ARNT2: variants seen among roughly 807,000 people sequenced by gnomAD.
ARNT2 encodes ARNT protein 2.
ARNT2 carries 36 observed loss-of-function variants against 91.7 expected under a neutral mutation model. The ratio of observed to expected loss-of-function variants is 0.39; its 90% CI spans 0.30 to 0.52. ARNT2 has a LOEUF of 0.52. Ranked by LOEUF, ARNT2 falls within the 20% of genes least tolerant of loss-of-function variation. The probability of loss-of-function intolerance (pLI) is 0.72; values close to 1 mark genes in which losing one functional copy is unlikely to be tolerated. For synonymous variants in ARNT2, 365 were observed against 347.1 expected (o/e 1.05, Z -0.57); for missense variants, 775 against 939.3 (o/e 0.83, Z 2.29).
intron 8 of ARNT2, among the ~76,000 whole-genome samples, chr15:80,538,349 G>A (rs1207865537): frequency 6.6e-6 from 1 of 152,020 alleles, no homozygotes; most frequent in Non-Finnish European, 1.5e-5. Flanking sequence ...TTTTAATAAT[G>A]GATTTTCAAA....
intron 8 of ARNT2, among the ~76,000 whole-genome samples, chr15:80,549,506 G>A (rs1272906722): frequency 1.3e-5 from 2 of 152,080 alleles, no homozygotes; most frequent in African/African-American, 2.4e-5. Context: ...AAAATGGACA[G>A]GCAAAAGATC....
Position 80,574,183 on chromosome 15 carries a change from A to T in ARNT2, c.1352A>T (p.His451Leu). 1 of 1,614,186 alleles carries T rather than the reference A, an allele frequency of 6.2e-7. No homozygotes were observed. The highest frequency in any genetic ancestry group is 8.5e-7 in the Non-Finnish European group (1 of 1,180,036). The change falls in exon 13 of 19, where the codon CAC (histidine) becomes CTC (leucine). Residue 451 changes from histidine (H) to leucine (L), a missense_variant. Coordinates refer to ENST00000303329, the MANE Select transcript of ARNT2 (RefSeq NM_014862.4). ...LQQQQAELEV[H>L]QRDGLSSYDL... ...CAACAGCAGGCAGAATTGGAAGTGC[A>T]CCAGAGAGATGGATTGTCATCGTAT...
chr15:80,565,840 T>C (rs761981152), intron 12 of ARNT2, among the ~76,000 whole-genome samples: 3 of 150,916 alleles, frequency 2.0e-5, no homozygotes, highest in Non-Finnish European at 4.4e-5. Flanking sequence ...GTCTGTTTAC[T>C]CTATTGATAG....
intron 8 of ARNT2, among the ~76,000 whole-genome samples, chr15:80,524,489 C>A (rs2141436129): frequency 6.6e-6 from 1 of 152,166 alleles, no homozygotes; most frequent in Non-Finnish European, 1.5e-5. Flanking sequence ...ATCTACATTT[C>A]AATGGTAAAG....
At chr15:80,581,188 C>G in intron 16 of ARNT2, 51 bp from the exon 17 acceptor site, 4 of 1,603,610 alleles carry the variant, frequency 2.5e-6, no homozygotes, top group Non-Finnish European at 3.4e-6. Flanking sequence ...GGTTGGGGTG[C>G]AGGGGTCTGC....
At chr15:80,547,317 A>G (rs1898005397) in intron 8 of ARNT2, among the ~76,000 whole-genome samples, 2 of 152,288 alleles carry the variant, frequency 1.3e-5, no homozygotes, top group East Asian at 1.9e-4. Flanking sequence ...ATTCTTTATC[A>G]CTACACACTT....
rs150560314 is a variant in ARNT2, at chr15:80,511,557, G to A, written c.726-2354G>A. On this transcript the variant is annotated intron_variant, in intron 6 of 18. Coordinates refer to ENST00000303329, the MANE Select transcript of ARNT2 (RefSeq NM_014862.4). ...AGATGCCCACAGACACCTAGACGGA[G>A]AAGATGAGCAGACAGTTGGACATGT... Among the ~76,000 whole-genome samples, 783 of 152,228 alleles carry A rather than the reference G, an allele frequency of 5.1e-3. 2 individuals are homozygous for A. Among genetic ancestry groups the A allele is most frequent in the Non-Finnish European group, 8.4e-3 (574 of 68,014 alleles).
At chr15:80,474,988 A>C in intron 4 of ARNT2, 22 bp from the exon 5 acceptor site, 1 of 1,612,506 alleles carries the variant, frequency 6.2e-7, no homozygotes, top group Non-Finnish European at 8.5e-7. Context: ...GTATTGTGCC[A>C]ATCATAATCT....
intron 8 of ARNT2, among the ~76,000 whole-genome samples, chr15:80,519,088 C>T (rs781062567): frequency 4.7e-4 from 71 of 152,158 alleles, no homozygotes; most frequent in Non-Finnish European, 8.1e-4. Flanking sequence ...TCATTCAACA[C>T]GTATTTGTTG....
intron 8 of ARNT2, among the ~76,000 whole-genome samples, chr15:80,540,600 A>G (rs761365768): frequency 6.6e-6 from 1 of 152,162 alleles, no homozygotes; most frequent in Non-Finnish European, 1.5e-5. Flanking sequence ...CCCATCACTT[A>G]CATAGTGAGT....
At chr15:80,458,035 A>C in intron 3 of ARNT2, 59 bp downstream of exon 3, 3 of 1,544,094 alleles carry the variant, frequency 1.9e-6, no homozygotes, top group South Asian at 1.1e-5. Flanking sequence ...TTCACCTTAG[A>C]AAGATACAAG....
chr15:80,508,142 T>TCC lies in ARNT2; in HGVS notation c.623-13_623-12insCC. 1.9e-6 allele frequency: 3 copies of TCC among 1,597,048 alleles called. No individual in the cohort carries two copies. Among genetic ancestry groups the TCC allele is most frequent in the Non-Finnish European group, 2.6e-6 (3 of 1,168,054 alleles). ...AGGCAGAGGCTTACGTAACTGTCCT[T>TCC]CTCTCTCTCTTAGGCCGGATCTTGG... On this transcript the variant is annotated splice_polypyrimidine_tract_variant and intron_variant, in intron 5 of 18. Coordinates refer to ENST00000303329, the MANE Select transcript of ARNT2 (RefSeq NM_014862.4).
At chr15:80,538,605 A>G (rs1473853942) in intron 8 of ARNT2, among the ~76,000 whole-genome samples, 1 of 152,180 alleles carries the variant, frequency 6.6e-6, no homozygotes, top group Non-Finnish European at 1.5e-5. Flanking sequence ...TTTAGAGGAA[A>G]CCTGTGGCTT....
rs1893357491 is a variant in ARNT2, at chr15:80,595,270, A to T, written c.*1572A>T. 6.6e-6 allele frequency: 1 copy of T among 152,238 alleles called. No individual in the cohort carries two copies. The highest frequency in any genetic ancestry group is 1.5e-5 in the Non-Finnish European group (1 of 68,076). 9.4% of individuals were successfully genotyped at this position (152,238 alleles called of 1,614,324 possible). On this transcript the variant is annotated 3_prime_UTR_variant, in exon 19 of 19. Coordinates refer to ENST00000303329, the MANE Select transcript of ARNT2 (RefSeq NM_014862.4). ...AGGTACCGTGGCTGCTGCAGGGCACATGGAGGGACCTACCCTCTGGGAAAG... is the reference window on the plus strand; with the variant it reads ...AGGTACCGTGGCTGCTGCAGGGCACTTGGAGGGACCTACCCTCTGGGAAAG...
chr15:80,477,085 C>T (rs1896817333), intron 5 of ARNT2, among the ~76,000 whole-genome samples: 2 of 152,250 alleles, frequency 1.3e-5, no homozygotes, highest in South Asian at 2.1e-4. Context: ...CACCTGCTTC[C>T]CTTCACCTTC....
chr15:80,578,076 C>T lies in ARNT2; in HGVS notation c.1613+1111C>T, dbSNP rs578092396. The stretch of plus-strand genomic sequence containing the variant: ...TACTCAGCACGCACTGACCGATCTC[C>T]GTTGATGCCAAGCCCTGTGCCAGCC... On this transcript the variant is annotated intron_variant, in intron 15 of 18. Coordinates refer to ENST00000303329, the MANE Select transcript of ARNT2 (RefSeq NM_014862.4). 2.8e-4 allele frequency among the ~76,000 whole-genome samples: 42 copies of T among 152,336 alleles called. 1 individual carries two copies. The highest frequency in any genetic ancestry group is 6.8e-3 in the Middle Eastern group (2 of 294).
At chr15:80,433,411 G>A (rs1261235318) in intron 1 of ARNT2, among the ~76,000 whole-genome samples, 3 of 151,516 alleles carry the variant, frequency 2.0e-5, no homozygotes, top group Non-Finnish European at 4.4e-5. Context: ...TCAGCCTCTC[G>A]AGTAGCTGGG....
At chr15:80,474,966 G>A (rs371718956) in intron 4 of ARNT2, 44 bp from the exon 5 acceptor site, 328 of 1,589,172 alleles carry the variant, frequency 2.1e-4, no homozygotes, top group Non-Finnish European at 2.2e-4. Flanking sequence ...GAATCATCCT[G>A]GGTCTGTCAG....
chr15:80,564,815 G>C (rs1429290511), intron 12 of ARNT2, among the ~76,000 whole-genome samples: 1 of 152,122 alleles, frequency 6.6e-6, no homozygotes, highest in Non-Finnish European at 1.5e-5. Flanking sequence ...CATTCACTTA[G>C]GGTAATGGAT....
Sources: allele counts gnomAD v4.1 joint callset (sites outside exome capture counted in the v4.1 genomes callset), GRCh38; gene constraint gnomAD v4.1.1; transcripts MANE v1.5; gene names NCBI Gene and HGNC (gene_info 2026-07-23, HGNC 2026-07-21).